Variants in ATP2C2 observed in about 807,000 individuals in gnomAD.
The protein encoded by ATP2C2 is ATPase secretory pathway Ca2+ transporting 2, also known as calcium-transporting ATPase type 2C member 2.
ATP2C2 carries 171 observed loss-of-function variants against 110.8 expected under a neutral mutation model. The ratio of observed to expected loss-of-function variants is 1.54; its 90% CI spans 1.36 to 1.75. ATP2C2 has a LOEUF of 1.75. ATP2C2 is among the 40% of genes most tolerant of loss of function. The pLI, the probability that ATP2C2 is intolerant of heterozygous loss-of-function variation, is 0.00. For missense variants in ATP2C2, 1,963 were observed against 1,235.0 expected (o/e 1.59, Z -8.84); for synonymous variants, 804 against 508.4 (o/e 1.58, Z -7.82).
chr16:84,425,099 C>G (rs963833344), intron 10 of ATP2C2, among the ~76,000 whole-genome samples: 4 of 152,160 alleles, frequency 2.6e-5, no homozygotes, highest in African/African-American at 2.4e-5. Context: ...CACACACACA[C>G]CCCGCTACCA....
intron 1 of ATP2C2, among the ~76,000 whole-genome samples, chr16:84,379,045 A>C (rs1212747847): frequency 6.6e-6 from 1 of 151,868 alleles, no homozygotes; most frequent in Non-Finnish European, 1.5e-5. Context: ...AACATGTGCC[A>C]TGGTGATCTA....
chr16:84,423,104 G>C (rs1421699847), intron 9 of ATP2C2, 84 bp from the exon 10 acceptor site: 4 of 1,208,772 alleles, frequency 3.3e-6, no homozygotes, highest in Non-Finnish European at 4.9e-6. Flanking sequence ...TGAAGCTGTA[G>C]GATGGCAAGG....
At chr16:84,459,043 C>T (rs1029190431) in intron 21 of ATP2C2, 77 bp from the exon 22 acceptor site, 4 of 1,500,926 alleles carry the variant, frequency 2.7e-6, no homozygotes, top group Non-Finnish European at 3.7e-6. Context: ...TCACCACTGC[C>T]CCTTGCAGCA....
At chr16:84,424,200 T>A in intron 10 of ATP2C2, among the ~76,000 whole-genome samples, 1 of 152,208 alleles carries the variant, frequency 6.6e-6, no homozygotes, top group Non-Finnish European at 1.5e-5. Flanking sequence ...AGAAACAGCT[T>A]ATGTAAGCCC....
intron 1 of ATP2C2, among the ~76,000 whole-genome samples, chr16:84,377,412 A>T (rs1337786963): frequency 4.0e-5 from 6 of 151,576 alleles, no homozygotes; most frequent in Non-Finnish European, 8.8e-5. Context: ...CTTGCTGGAG[A>T]CTCCACTTCC....
intron 2 of ATP2C2, among the ~76,000 whole-genome samples, chr16:84,400,354 T>C (rs1263395167): frequency 6.9e-6 from 1 of 145,134 alleles, no homozygotes; most frequent in African/African-American, 2.7e-5. Flanking sequence ...TGAGATGGAG[T>C]CTCACTCTGT....
Position 84,440,886 on chromosome 16 carries a change from G to A in ATP2C2, c.1239G>A (p.Gly413=), listed in dbSNP as rs375254271. 187 of 1,613,460 alleles carry A rather than the reference G, an allele frequency of 1.2e-4. No homozygotes were observed. Among genetic ancestry groups the A allele is most frequent in the Non-Finnish European group, 1.5e-4 (181 of 1,179,950 alleles). Residue 413 remains glycine, a synonymous_variant, in exon 14 of 27, where the codon GGG becomes GGA. Coordinates refer to ENST00000262429, the MANE Select transcript of ATP2C2 (RefSeq NM_014861.4). ...GCGGAGTTGGGTATGACGGTCAAGG[G>A]ACTGTGTGTCTTCTACCATCCAAGG... ...EVSGVGYDGQ[G]TVCLLPSKEV...
intron 3 of ATP2C2, among the ~76,000 whole-genome samples, chr16:84,406,818 C>G (rs182508389): frequency 6.6e-6 from 1 of 152,248 alleles, no homozygotes; most frequent in East Asian, 1.9e-4. Flanking sequence ...CCTGGCACCC[C>G]TTCCACTAGG....
chr16:84,414,988 A>T (rs1429557330), intron 6 of ATP2C2, among the ~76,000 whole-genome samples: 1 of 151,834 alleles, frequency 6.6e-6, no homozygotes, highest in East Asian at 1.9e-4. Flanking sequence ...GGTGTGGGGG[A>T]TTCCATTTGG....
intron 1 of ATP2C2, among the ~76,000 whole-genome samples, chr16:84,380,058 C>T (rs897712190): frequency 1.3e-5 from 2 of 152,100 alleles, no homozygotes; most frequent in African/African-American, 2.4e-5. Flanking sequence ...TTATATCAGC[C>T]ACATTTGGTA....
intron 17 of ATP2C2, 44 bp from the exon 18 acceptor site, chr16:84,451,877 C>A: frequency 6.4e-7 from 1 of 1,571,636 alleles, no homozygotes; most frequent in South Asian, 1.1e-5. Flanking sequence ...AACGACGGCC[C>A]CTAAGCCCCC....
intron 1 of ATP2C2, among the ~76,000 whole-genome samples, chr16:84,383,037 T>A (rs1342160049): frequency 1.3e-5 from 2 of 151,996 alleles, no homozygotes; most frequent in Non-Finnish European, 2.9e-5. Context: ...GTGTGCCTCC[T>A]CTCCCAGGGA....
rs147054811 is a variant in ATP2C2 at position 84,372,456 on chromosome 16, C to T, written c.99+3742C>T. ...CCCCACAGTGTTTTTTCTTTCGAGA[C>T]AGTGTCTCGCCCTGTCACCCAGGCT... On this transcript the variant is annotated intron_variant, in intron 1 of 26. Transcript: ENST00000262429. 2.0e-3 allele frequency among the ~76,000 whole-genome samples: 302 copies of T among 152,228 alleles called. 3 individuals are homozygous for T. The highest frequency in any genetic ancestry group is 6.9e-3 in the African/African-American group (286 of 41,558).
intron 11 of ATP2C2, among the ~76,000 whole-genome samples, chr16:84,435,116 A>T (rs1465677338): frequency 6.6e-6 from 1 of 152,184 alleles, no homozygotes; most frequent in African/African-American, 2.4e-5. Flanking sequence ...ATTCTATTCA[A>T]ACTGCCTGTT....
At chr16:84,452,236 C>T (rs879188274) in intron 18 of ATP2C2, 145 bp downstream of exon 18, 3 of 1,023,920 alleles carry the variant, frequency 2.9e-6, no homozygotes, top group African/African-American at 1.6e-5. Flanking sequence ...GCTGAGTATT[C>T]GTGTGCCAGC....
chr16:84,439,253 G>A lies in ATP2C2; in HGVS notation c.1074G>A (p.Arg358=). 1 of 1,612,532 alleles carries A rather than the reference G, an allele frequency of 6.2e-7. No individual in the cohort carries two copies. The highest frequency in any genetic ancestry group is 8.5e-7 in the Non-Finnish European group (1 of 1,180,042). Residue 358 remains arginine, a synonymous_variant, in exon 12 of 27, where the codon CGG becomes CGA. Coordinates refer to ENST00000262429, the MANE Select transcript of ATP2C2 (RefSeq NM_014861.4). ...VLGVLRMAKK[R]VIVKKLPIVE... ...GAGTGCTGCGGATGGCCAAGAAGCGGGTCATCGTGAAGAAGTTACCCATCG... is the reference window on the plus strand; with the variant it reads ...GAGTGCTGCGGATGGCCAAGAAGCGAGTCATCGTGAAGAAGTTACCCATCG...
intron 11 of ATP2C2, chr16:84,438,951 T>C: frequency 1.8e-6 from 1 of 545,336 alleles, no homozygotes; most frequent in Non-Finnish European, 3.2e-6. Flanking sequence ...ACAGGAGAGG[T>C]CCCTTCCCAA....
rs181962433 is a variant in ATP2C2 at position 84,439,056 on chromosome 16, C to G, written c.987-110C>G. Reference sequence around the variant, plus strand: ...GGGAATGGAGACTAGAACCAGGACACTGGGGACACCTAAGACAAGCTTCAC... The same window carrying G: ...GGGAATGGAGACTAGAACCAGGACAGTGGGGACACCTAAGACAAGCTTCAC... On this transcript the variant is annotated intron_variant, in intron 11 of 26. Transcript: ENST00000262429. 9.4e-6 allele frequency: 14 copies of G among 1,487,022 alleles called. No homozygotes were observed. The Admixed American group carries it at 1.8e-4, about 19-fold the overall frequency. 92.1% of individuals were successfully genotyped at this position (1,487,022 alleles called of 1,614,324 possible). A position where few individuals can be genotyped will look rare whatever the true frequency, so the allele number is the denominator to read the frequency against.
At chr16:84,451,852 C>A in intron 17 of ATP2C2, 69 bp from the exon 18 acceptor site, 5 of 1,454,492 alleles carry the variant, frequency 3.4e-6, no homozygotes, top group Non-Finnish European at 4.7e-6. Flanking sequence ...ACAACAACAA[C>A]AACCAACAAC....
Sources: allele counts gnomAD v4.1 joint callset (sites outside exome capture counted in the v4.1 genomes callset), GRCh38; gene constraint gnomAD v4.1.1; transcripts MANE v1.5; gene names NCBI Gene and HGNC (gene_info 2026-07-23, HGNC 2026-07-21).